Variants in DLGAP2 observed in about 807,000 individuals in gnomAD.
The protein encoded by DLGAP2 is disks large-associated protein 2.
Under a neutral mutation model 100.3 loss-of-function variants are expected in DLGAP2, and 26 were observed. The ratio of observed to expected loss-of-function variants is 0.26; its 90% CI spans 0.19 to 0.36. DLGAP2 has a LOEUF of 0.36. Ranked by LOEUF, DLGAP2 falls within the 10% of genes least tolerant of loss-of-function variation. The pLI, the probability that DLGAP2 is intolerant of heterozygous loss-of-function variation, is 1.00. For synonymous variants in DLGAP2, 886 were observed against 630.1 expected (o/e 1.41, Z -6.08); for missense variants, 1,858 against 1,453.2 (o/e 1.28, Z -4.53).
intron 3 of DLGAP2, among the ~76,000 whole-genome samples, chr8:1,358,367 C>T (rs1801903129): frequency 6.6e-6 from 1 of 152,096 alleles, no homozygotes; most frequent in African/African-American, 2.4e-5. Flanking sequence ...GGATGGACAA[C>T]TCAAGAGATC....
At chr8:1,587,226 C>A (rs971111501) in intron 6 of DLGAP2, among the ~76,000 whole-genome samples, 1 of 152,176 alleles carries the variant, frequency 6.6e-6, no homozygotes, top group African/African-American at 2.4e-5. Context: ...TCTATAGGAA[C>A]TATTTAATTT....
chr8:1,586,321 CCT>C (rs1441657433), intron 6 of DLGAP2, among the ~76,000 whole-genome samples: 1 of 152,222 alleles, frequency 6.6e-6, no homozygotes, highest in African/African-American at 2.4e-5. Context: ...AAGTCAGCCC[CCT>C]GTTTCCAGAG....
chr8:1,311,571 T>C (rs1000784183), intron 3 of DLGAP2, among the ~76,000 whole-genome samples: 2 of 152,222 alleles, frequency 1.3e-5, no homozygotes, highest in Admixed American at 6.5e-5. Context: ...TTAAAAGGTT[T>C]AGACTTGTCA....
At chr8:1,037,788 C>T (rs1585001116) in intron 2 of DLGAP2, among the ~76,000 whole-genome samples, 1 of 152,180 alleles carries the variant, frequency 6.6e-6, no homozygotes, top group South Asian at 2.1e-4. Context: ...TCTGCCTTGT[C>T]TCAGCCAGGG....
chr8:1,182,104 C>G (rs949588983), intron 2 of DLGAP2, among the ~76,000 whole-genome samples: 3 of 152,224 alleles, frequency 2.0e-5, no homozygotes, highest in East Asian at 1.9e-4. Context: ...ATCTTCAGCT[C>G]ACAACAGCGT....
intron 3 of DLGAP2, among the ~76,000 whole-genome samples, chr8:1,386,025 C>A (rs1040932902): frequency 2.6e-5 from 4 of 151,070 alleles, no homozygotes; most frequent in African/African-American, 9.7e-5. Context: ...GGAATTAAAT[C>A]TCTTGTTACA....
At chr8:1,063,966 G>A (rs567755678) in intron 2 of DLGAP2, among the ~76,000 whole-genome samples, 1 of 152,264 alleles carries the variant, frequency 6.6e-6, no homozygotes, top group Non-Finnish European at 1.5e-5. Context: ...AGCCAGGGTC[G>A]TCTGCCATGC....
rs113240239 is a variant in DLGAP2, at chr8:1,099,930, C to G, written c.74-158921C>G. ...AAGCTCTTACAGTAGGCCCCCTTCTCCAGGGTTTTGCTTCCCGAGATTTCA... is the reference window on the plus strand; with the variant it reads ...AAGCTCTTACAGTAGGCCCCCTTCTGCAGGGTTTTGCTTCCCGAGATTTCA... On this transcript the variant is annotated intron_variant, in intron 2 of 14. Transcript: ENST00000637795. Among the ~76,000 whole-genome samples, 338 of 152,312 alleles carry G rather than the reference C, an allele frequency of 2.2e-3. 1 individual carries two copies. Among genetic ancestry groups the G allele is most frequent in the African/African-American group, 6.9e-3 (285 of 41,568 alleles).
intron 2 of DLGAP2, among the ~76,000 whole-genome samples, chr8:947,334 G>T (rs1799353082): frequency 6.6e-6 from 1 of 152,212 alleles, no homozygotes; most frequent in South Asian, 2.1e-4. Context: ...GGTCCTGGCA[G>T]CAGAGGGGTC....
At chr8:1,503,706 G>A (rs1370616377) in intron 4 of DLGAP2, among the ~76,000 whole-genome samples, 2 of 152,186 alleles carry the variant, frequency 1.3e-5, no homozygotes, top group Non-Finnish European at 1.5e-5. Flanking sequence ...CTTAGGGACA[G>A]GGTGTGCTTT....
chr8:1,285,439 A>T (rs1799901928), intron 3 of DLGAP2, among the ~76,000 whole-genome samples: 1 of 152,236 alleles, frequency 6.6e-6, no homozygotes, highest in Non-Finnish European at 1.5e-5. Context: ...AAGATATTTG[A>T]GAAGAATATG....
chr8:1,506,644 C>A (rs977015223), intron 4 of DLGAP2, among the ~76,000 whole-genome samples: 15 of 152,202 alleles, frequency 9.9e-5, no homozygotes, highest in African/African-American at 3.6e-4. Flanking sequence ...TGCTTTTATT[C>A]CCTTATCTGG....
rs75345796 is a variant in DLGAP2 at position 1,033,365 on chromosome 8, A to G, written c.73+125399A>G. ...GGGAGAAAAATGGGATGAATGAAGA[A>G]TAAAGGCTTAGCTGGGGGTTGGGGG... On this transcript the variant is annotated intron_variant, in intron 2 of 14. Coordinates refer to ENST00000637795, the MANE Select transcript of DLGAP2 (RefSeq NM_001346810.2). 5.9e-3 allele frequency among the ~76,000 whole-genome samples: 901 copies of G among 152,330 alleles called. 16 individuals carry two copies. Among genetic ancestry groups the G allele is most frequent in the African/African-American group, 0.021 (869 of 41,570 alleles).
intron 2 of DLGAP2, among the ~76,000 whole-genome samples, chr8:976,560 C>G (rs189914834): frequency 6.6e-6 from 1 of 151,908 alleles, no homozygotes; most frequent in Non-Finnish European, 1.5e-5. Flanking sequence ...TGCAGTGAGG[C>G]GAGATTGCGC....
At position 1,359,993 on chromosome 8, in the gene DLGAP2, C is replaced by T. The variant is rs73670785; in HGVS notation, c.106+101110C>T. Among the ~76,000 whole-genome samples the T allele has an allele frequency of 1.3e-3, 191 of 152,310 alleles. 1 individual carries two copies. Among genetic ancestry groups the T allele is most frequent in the African/African-American group, 4.4e-3 (181 of 41,580 alleles). On this transcript the variant is annotated intron_variant, in intron 3 of 14. Transcript: ENST00000637795. ...GGGTCCTGCCAGCACACCTCAGCAT[C>T]GCCGGTGTTTCAGCAAAGAATCCAA...
At chr8:1,206,584 T>G (rs1323585431) in intron 2 of DLGAP2, among the ~76,000 whole-genome samples, 1 of 78,478 alleles carries the variant, frequency 1.3e-5, no homozygotes, top group Non-Finnish European at 2.4e-5. Flanking sequence ...GGGGGTAGAC[T>G]GTGAGCAGTT....
In DLGAP2 at chr8:1,632,999, C is replaced by T; in HGVS notation, c.1763C>T (p.Pro588Leu). 6.2e-7 allele frequency: 1 copy of T among 1,613,994 alleles called. No individual in the cohort carries two copies. ...AGYSQDDECI[P>L]MMTPSDITST... ...TACTCCCAAGATGACGAATGTATTCCCATGATGACACCCTCTGACATCACC... is the reference window on the plus strand; with the variant it reads ...TACTCCCAAGATGACGAATGTATTCTCATGATGACACCCTCTGACATCACC... The change falls in exon 8 of 15, where the codon CCC (proline) becomes CTC (leucine). Residue 588 changes from proline to leucine, a missense_variant. Physicochemically the swap from Pro to Leu is moderately conservative, Grantham distance 98. Coordinates refer to ENST00000637795, the MANE Select transcript of DLGAP2 (RefSeq NM_001346810.2).
chr8:1,590,547 T>G (rs1796260294), intron 6 of DLGAP2, among the ~76,000 whole-genome samples: 3 of 152,248 alleles, frequency 2.0e-5, no homozygotes, highest in Admixed American at 1.3e-4. Flanking sequence ...TCCTCAGTTA[T>G]CTGTCTTCAA....
chr8:1,647,488 CAAAAAAAAAAAAA>C lies in DLGAP2; in HGVS notation c.1810+14468_1810+14480del, dbSNP rs567451595. On this transcript the variant is annotated intron_variant, in intron 8 of 14. Coordinates refer to ENST00000637795, the MANE Select transcript of DLGAP2 (RefSeq NM_001346810.2). ...TGGGAGACAGAGAGAGACTCTGTCT[CAAAAAAAAAAAAA>C]AAAAAAAAAAAAAAAAAAAAAAAAA... 9.3e-4 allele frequency among the ~76,000 whole-genome samples: 42 copies of C among 44,974 alleles called. No individual in the cohort carries two copies. The East Asian group carries it at 0.014, about 15-fold the overall frequency. 29.5% of individuals were successfully genotyped at this position (44,974 alleles called of 152,430 possible).
Sources: gnomAD v4.1 joint callset for allele counts (sites outside exome capture counted in the v4.1 genomes callset) on GRCh38, gnomAD v4.1.1 for gene constraint, MANE v1.5 for transcripts, NCBI Gene and HGNC (gene_info 2026-07-23, HGNC 2026-07-21) for gene names.